The following NOC3L variants were observed in gnomAD, a reference collection of about 807,000 sequenced individuals.
NOC3L encodes nucleolar complex protein 3 homolog.
A neutral mutation model predicts 102.5 loss-of-function variants in NOC3L; 85 were observed. The ratio of observed to expected loss-of-function variants is 0.83; its 90% CI spans 0.70 to 0.99. NOC3L has a LOEUF of 0.99. NOC3L is among the 50% of genes least tolerant of loss of function. The pLI is 0.00. For missense variants in NOC3L, 878 were observed against 914.9 expected (o/e 0.96, Z 0.52); for synonymous variants, 303 against 309.4 (o/e 0.98, Z 0.22).
Position 94,346,353 on chromosome 10 carries a change from G to A in NOC3L, c.1389+72C>T, listed in dbSNP as rs919173164. 7.2e-6 allele frequency: 8 copies of A among 1,114,648 alleles called. No homozygotes were observed. The African/African-American group carries it at 1.3e-4, about 18-fold the overall frequency. 69.0% of individuals were successfully genotyped at this position (1,114,648 alleles called of 1,614,324 possible). A position where few individuals can be genotyped will look rare whatever the true frequency, so the allele number is the denominator to read the frequency against. On this transcript the variant is annotated intron_variant, in intron 11 of 20. Transcript: ENST00000371361. ...TATGATTTAACTATGATTTTTACAT[G>A]TGCCTATAAGTTTAATCTAAGATCA...
intron 10 of NOC3L, among the ~76,000 whole-genome samples, chr10:94,347,128 A>G (rs1288511163): frequency 6.6e-6 from 1 of 152,194 alleles, no homozygotes; most frequent in Non-Finnish European, 1.5e-5. Flanking sequence ...TTAAAATGCT[A>G]CACTTTCTCT....
intron 6 of NOC3L, 21 bp downstream of exon 6, chr10:94,354,942 A>G (rs2054465477): frequency 1.9e-6 from 3 of 1,609,470 alleles, no homozygotes; most frequent in South Asian, 1.1e-5. Context: ...CAAAGAGCCT[A>G]AAGAAATTAA....
chr10:94,342,637 A>G (rs925666791), intron 13 of NOC3L, among the ~76,000 whole-genome samples: 9 of 151,772 alleles, frequency 5.9e-5, no homozygotes, highest in African/African-American at 1.9e-4. Context: ...AAAGTACAAT[A>G]TATCTATAAA....
rs1445465058 is a variant in NOC3L, at chr10:94,334,180, G to C, written c.2400C>G (p.His800Gln). 1.5e-6 allele frequency: 2 copies of C among 1,306,062 alleles called. No individual in the cohort carries two copies. The highest frequency in any genetic ancestry group is 1.5e-5 in the African/African-American group (1 of 68,804). 80.9% of individuals were successfully genotyped at this position (1,306,062 alleles called of 1,614,324 possible). Reference sequence around the variant, plus strand: ...GTCCACTGACTTCATTCCTCTACTAGTGTAGTGATGTTTTCAAATATTTCG... The same window carrying C: ...GTCCACTGACTTCATTCCTCTACTACTGTAGTGATGTTTTCAAATATTTCG... The part of the protein sequence containing the change: ...DFTKYLKTSL[H>Q] Residue 800 changes from histidine (H) to glutamine (Q), a missense_variant, in exon 21 of 21, where the codon CAC becomes CAG. His to Gln is a conservative substitution (Grantham distance 24). Coordinates refer to ENST00000371361, the MANE Select transcript of NOC3L (RefSeq NM_022451.11).
chr10:94,334,690 T>G lies in NOC3L; in HGVS notation c.2218A>C (p.Ser740Arg). ...RSATELFEAY[S>R]MAEMTFNPPV... The stretch of plus-strand genomic sequence containing the variant: ...GGATTGAATGTCATTTCTGCCATGC[T>G]ATATGCCTCAAAAAGTTCAGTAGCA... The change falls in exon 20 of 21, where the codon AGC (serine) becomes CGC (arginine). Residue 740 changes from serine (S) to arginine (R), a missense_variant. Transcript: ENST00000371361. 2.5e-6 allele frequency: 4 copies of G among 1,613,344 alleles called. No homozygotes were observed. The highest frequency in any genetic ancestry group is 3.4e-6 in the Non-Finnish European group (4 of 1,179,742).
rs1437904608 is a variant in NOC3L at position 94,338,605 on chromosome 10, T to TA, written c.2091+2dup. ...AAAAGAAAAAAACCAGGGCCACTCT[T>TA]ACCCGCAGAGCATGCAGTTCCCACA... On this transcript the variant is annotated splice_region_variant and intron_variant, in intron 18 of 20. Transcript: ENST00000371361. 3 of 1,534,718 alleles carry TA rather than the reference T, an allele frequency of 2.0e-6. No homozygotes were observed. The highest frequency in any genetic ancestry group is 2.6e-6 in the Non-Finnish European group (3 of 1,136,256).
chr10:94,331,721 T>C (rs1466686172), downstream of NOC3L: 1 of 152,178 alleles, frequency 6.6e-6, no homozygotes, highest in Non-Finnish European at 1.5e-5. Context: ...CCATGATCCA[T>C]TGTTAATAAT....
At chr10:94,321,270 G>C in the NOC3L span, among the ~76,000 whole-genome samples, 1 of 152,134 alleles carries the variant, frequency 6.6e-6, no homozygotes, top group Non-Finnish European at 1.5e-5. Context: ...TTCTTATTTG[G>C]CTTTTGCTAA....
intron 8 of NOC3L, among the ~76,000 whole-genome samples, chr10:94,351,448 A>C (rs540366691): frequency 3.9e-5 from 6 of 152,352 alleles, no homozygotes; most frequent in African/African-American, 1.4e-4. Context: ...GAAGAGTTTA[A>C]GAGTTTATCA....
intron 14 of NOC3L, 39 bp downstream of exon 14, chr10:94,341,634 C>G (rs1429416922): frequency 9.2e-7 from 1 of 1,092,644 alleles, no homozygotes; most frequent in African/African-American, 1.6e-5. Context: ...ATAGTAATTA[C>G]CATTTATATC....
chr10:94,353,362 G>C (rs545029325), intron 6 of NOC3L, among the ~76,000 whole-genome samples: 1 of 152,202 alleles, frequency 6.6e-6, no homozygotes, highest in Non-Finnish European at 1.5e-5. Flanking sequence ...CGGTGCCTGC[G>C]TCTACTCCTG....
intron 3 of NOC3L, 197 bp downstream of exon 3, chr10:94,357,886 A>AATGTACATTC: frequency 3.6e-6 from 2 of 553,774 alleles, no homozygotes; most frequent in South Asian, 4.5e-5. Context: ...TCAGACTCAA[A>AATGTACATTC]AGAAAGATGT....
chr10:94,357,800 G>GT (rs1231923037), intron 3 of NOC3L: 7 of 369,850 alleles, frequency 1.9e-5, no homozygotes, highest in South Asian at 3.9e-5. Flanking sequence ...AATCATAGCC[G>GT]TAGGAACTCA....
At chr10:94,355,123 T>C in intron 5 of NOC3L, 30 bp from the exon 6 acceptor site, 1 of 1,578,094 alleles carries the variant, frequency 6.3e-7, no homozygotes, top group Non-Finnish European at 8.6e-7. Context: ...CCCTTACATA[T>C]TCCTCTGCTT....
At chr10:94,317,727 G>T in the NOC3L span, among the ~76,000 whole-genome samples, 1 of 152,076 alleles carries the variant, frequency 6.6e-6, no homozygotes, top group African/African-American at 2.4e-5. Flanking sequence ...CTTAATTGAT[G>T]AAGCACTTTT....
At chr10:94,346,957 G>A (rs947542902) in intron 10 of NOC3L, among the ~76,000 whole-genome samples, 6 of 152,148 alleles carry the variant, frequency 3.9e-5, no homozygotes, top group African/African-American at 1.4e-4. Context: ...TCTGAGTTGA[G>A]CCCCAGAATT....
chr10:94,320,091 G>C, the NOC3L span, among the ~76,000 whole-genome samples: 1 of 151,866 alleles, frequency 6.6e-6, no homozygotes, highest in South Asian at 2.1e-4. Context: ...TGGTTTGGGG[G>C]ACAAAGATTA....
chr10:94,356,499 TCA>T, intron 5 of NOC3L, 34 bp downstream of exon 5: 1 of 1,343,716 alleles, frequency 7.4e-7, no homozygotes, highest in South Asian at 1.2e-5. Context: ...AAAAAAATTC[TCA>T]ATTAACAATT....
chr10:94,349,470 G>T, intron 9 of NOC3L, 92 bp from the exon 10 acceptor site: 1 of 1,123,470 alleles, frequency 8.9e-7, no homozygotes, highest in Non-Finnish European at 1.2e-6. Flanking sequence ...TAGGGGGACT[G>T]TCCTAGGATG....
Sources: allele counts gnomAD v4.1 joint callset (sites outside exome capture counted in the v4.1 genomes callset), GRCh38; gene constraint gnomAD v4.1.1; transcripts MANE v1.5; gene names NCBI Gene and HGNC (gene_info 2026-07-23, HGNC 2026-07-21).